The following ATRNL1 variants were observed in gnomAD, a reference collection of about 807,000 sequenced individuals.
ATRNL1 encodes attractin-like protein 1.
A neutral mutation model predicts 182.7 loss-of-function variants in ATRNL1; 95 were observed. That is an observed-to-expected ratio of 0.52 (90% CI 0.44 to 0.62). ATRNL1 has a LOEUF of 0.62. Among genes scored for constraint, ATRNL1 ranks in the 20% least tolerant of loss-of-function variants. The pLI, the probability that ATRNL1 is intolerant of heterozygous loss-of-function variation, is 0.00. For synonymous variants in ATRNL1, 576 were observed against 568.3 expected, an observed-to-expected ratio of 1.01 and a Z score of -0.19; for missense variants, 1,471 against 1,679.5, an observed-to-expected ratio of 0.88 and a Z score of 2.17.
rs542851220 is a variant in ATRNL1 at position 115,100,811 on chromosome 10, A to G, written c.293+6768A>G. On this transcript the variant is annotated intron_variant, in intron 1 of 28. Coordinates refer to ENST00000355044, the MANE Select transcript of ATRNL1 (RefSeq NM_207303.4). ...TTTTGTTTGTAATTATGTTGAGTCT[A>G]TAGATCAATTTTGGGGAAAATGAAT... Among the ~76,000 whole-genome samples, 17 of 152,342 alleles carry G rather than the reference A, an allele frequency of 1.1e-4. No individual in the cohort carries two copies. The South Asian group carries it at 1.2e-3, about 11-fold the overall frequency.
chr10:115,262,458 C>T (rs1592344172), intron 10 of ATRNL1, among the ~76,000 whole-genome samples: 1 of 151,638 alleles, frequency 6.6e-6, no homozygotes, highest in Non-Finnish European at 1.5e-5. Flanking sequence ...ATAGTAAAAG[C>T]CAACAGAAAA....
chr10:115,360,324 ATTTG>A (rs140388085), intron 19 of ATRNL1, among the ~76,000 whole-genome samples: 33,426 of 151,398 alleles, frequency 0.22, 4,608 homozygotes, highest in Non-Finnish European at 0.31. Context: ...GTTCTATTTA[ATTTG>A]TTTGTTTTGA....
intron 10 of ATRNL1, among the ~76,000 whole-genome samples, chr10:115,260,158 A>T (rs1851334649): frequency 6.6e-6 from 1 of 152,210 alleles, no homozygotes. Context: ...CTATTACTGT[A>T]CTGTAATGTT....
chr10:115,426,238 G>T lies in ATRNL1; in HGVS notation c.3270-12G>T. 1 of 1,610,576 alleles carries T rather than the reference G, an allele frequency of 6.2e-7. No homozygotes were observed. The highest frequency in any genetic ancestry group is 8.5e-7 in the Non-Finnish European group (1 of 1,177,796). ...ATTGTTTAATAGTAAATGAGTTTTT[G>T]TGTTTCTGCAGATGTGACTCTGAAA... On this transcript the variant is annotated splice_polypyrimidine_tract_variant and intron_variant, in intron 20 of 28. Transcript: ENST00000355044.
intron 20 of ATRNL1, among the ~76,000 whole-genome samples, chr10:115,411,889 C>G (rs1285240964): frequency 6.6e-6 from 1 of 151,860 alleles, no homozygotes; most frequent in Non-Finnish European, 1.5e-5. Context: ...TTATAAAATT[C>G]TATCTATAAC....
At chr10:115,122,518 C>A (rs1325808599) in intron 3 of ATRNL1, among the ~76,000 whole-genome samples, 1 of 151,800 alleles carries the variant, frequency 6.6e-6, no homozygotes, top group Non-Finnish European at 1.5e-5. Flanking sequence ...TTTACTTTTG[C>A]TATTTATACA....
intron 10 of ATRNL1, among the ~76,000 whole-genome samples, chr10:115,257,915 T>A (rs909901828): frequency 9.2e-5 from 14 of 152,230 alleles, no homozygotes; most frequent in Admixed American, 2.6e-4. Context: ...TTCTTTTCTT[T>A]AAGAATGTTG....
At chr10:115,312,734 G>A (rs1854097860) in intron 17 of ATRNL1, among the ~76,000 whole-genome samples, 1 of 152,040 alleles carries the variant, frequency 6.6e-6, no homozygotes, top group Admixed American at 6.6e-5. Context: ...TTTACCTCAG[G>A]AACACCAGTG....
intron 26 of ATRNL1, among the ~76,000 whole-genome samples, chr10:115,578,332 A>C (rs782573246): frequency 7.9e-5 from 12 of 151,710 alleles, no homozygotes; most frequent in Non-Finnish European, 1.8e-4. Flanking sequence ...TACGGATATT[A>C]ATTCTTCTTT....
At chr10:115,351,155 T>C (rs1554941193) in intron 19 of ATRNL1, among the ~76,000 whole-genome samples, 1 of 152,178 alleles carries the variant, frequency 6.6e-6, no homozygotes, top group African/African-American at 2.4e-5. Context: ...GTGGAGTCTT[T>C]AGGTTTTTTG....
chr10:115,595,750 G>C (rs1555013758), intron 26 of ATRNL1, among the ~76,000 whole-genome samples: 1 of 150,382 alleles, frequency 6.6e-6, no homozygotes, highest in East Asian at 2.0e-4. Context: ...TTTATGGATT[G>C]ATTATTATTC....
chr10:115,469,142 T>C, intron 23 of ATRNL1, 30 bp from the exon 24 acceptor site: 1 of 871,468 alleles, frequency 1.1e-6, no homozygotes, highest in Non-Finnish European at 1.6e-6. Flanking sequence ...TATTTCCTAA[T>C]ATTAATTATT....
chr10:115,284,739 A>G (rs554621868), intron 14 of ATRNL1, among the ~76,000 whole-genome samples: 65 of 152,314 alleles, frequency 4.3e-4, no homozygotes, highest in South Asian at 2.5e-3. Flanking sequence ...TGCTATTCCA[A>G]TAGACTGAAT....
chr10:115,546,226 AC>A (rs1270866700), intron 25 of ATRNL1, among the ~76,000 whole-genome samples: 1 of 151,988 alleles, frequency 6.6e-6, no homozygotes, highest in Non-Finnish European at 1.5e-5. Context: ...AGAAAAATGA[AC>A]CCTTAGATCA....
At position 115,301,925 on chromosome 10, in the gene ATRNL1, A is replaced by C; in HGVS notation, c.2700A>C (p.Thr900=). 2 of 1,614,066 alleles carry C rather than the reference A, an allele frequency of 1.2e-6. No individual in the cohort carries two copies. The highest frequency in any genetic ancestry group is 1.7e-6 in the Non-Finnish European group (2 of 1,179,928). Reference sequence around the variant, plus strand: ...TGAGGACATCATGTTCCAACTGTACAAGCAATGGCATGGAGTGTATGTGGT... The same window carrying C: ...TGAGGACATCATGTTCCAACTGTACCAGCAATGGCATGGAGTGTATGTGGT... ...CSLRTSCSNC[T]SNGMECMWCS... Residue 900 remains threonine, a synonymous_variant, in exon 17 of 29, where the codon ACA becomes ACC. Coordinates refer to ENST00000355044, the MANE Select transcript of ATRNL1 (RefSeq NM_207303.4).
At chr10:115,424,480 TCTTA>T (rs782645406) in intron 20 of ATRNL1, among the ~76,000 whole-genome samples, 52 of 152,204 alleles carry the variant, frequency 3.4e-4, no homozygotes, top group Non-Finnish European at 6.8e-4. Context: ...ACATCTGTAC[TCTTA>T]CTTTTATTGC....
intron 10 of ATRNL1, among the ~76,000 whole-genome samples, chr10:115,259,069 G>A (rs1308479241): frequency 1.3e-5 from 2 of 152,138 alleles, no homozygotes; most frequent in Admixed American, 6.5e-5. Context: ...TAGGCTACAC[G>A]GGGGTCAGGG....
chr10:115,800,274 C>T (rs1175562855), intron 27 of ATRNL1, among the ~76,000 whole-genome samples: 1 of 151,862 alleles, frequency 6.6e-6, no homozygotes, highest in African/African-American at 2.4e-5. Context: ...TGTCTCTTGC[C>T]CAAGAGCTGT....
chr10:115,231,640 G>C (rs1554900037), intron 9 of ATRNL1, among the ~76,000 whole-genome samples: 1 of 152,080 alleles, frequency 6.6e-6, no homozygotes, highest in African/African-American at 2.4e-5. Flanking sequence ...ATGTACTCAA[G>C]AAAACAAGTA....
Sources: allele counts gnomAD v4.1 joint callset (sites outside exome capture counted in the v4.1 genomes callset), GRCh38; gene constraint gnomAD v4.1.1; transcripts MANE v1.5; gene names NCBI Gene and HGNC (gene_info 2026-07-23, HGNC 2026-07-21).